RELCH: variants seen among roughly 807,000 people sequenced by gnomAD.
The protein encoded by RELCH is RAB11-binding protein RELCH.
Under a neutral mutation model 150.3 loss-of-function variants are expected in RELCH, and 41 were observed. The ratio of observed to expected loss-of-function variants is 0.27; its 90% CI spans 0.21 to 0.35. RELCH has a LOEUF of 0.35. Ranked by LOEUF, RELCH falls within the 10% of genes least tolerant of loss-of-function variation. The pLI is 1.00. For synonymous variants in RELCH, 478 were observed against 531.8 expected (o/e 0.90, Z 1.39); for missense variants, 1,092 against 1,467.8 (o/e 0.74, Z 4.18).
intron 1 of RELCH, among the ~76,000 whole-genome samples, chr18:62,206,682 TA>T (rs929109403): frequency 6.6e-6 from 1 of 152,086 alleles, no homozygotes; most frequent in Non-Finnish European, 1.5e-5. Context: ...ATTAGCTGGA[TA>T]AAAAAAAGTT....
chr18:62,272,720 A>G (rs2043971240), intron 20 of RELCH, among the ~76,000 whole-genome samples: 1 of 152,130 alleles, frequency 6.6e-6, no homozygotes, highest in African/African-American at 2.4e-5. Context: ...GAGTCCAAAA[A>G]TGATAAATAA....
Position 62,287,377 on chromosome 18 carries a change from G to A in RELCH, c.3280G>A (p.Ala1094Thr). The A allele has an allele frequency of 1.9e-6, 3 of 1,605,086 alleles. No individual in the cohort carries two copies. Among genetic ancestry groups the A allele is most frequent in the African/African-American group, 1.3e-5 (1 of 74,688 alleles). Residue 1094 changes from alanine (A) to threonine (T), a missense_variant, in exon 26 of 29, where the codon GCC becomes ACC. Around this residue, in one of 4 missense-constraint regions of RELCH, gnomAD observed 707 missense variants for 1,025.4 expected, o/e 0.69. Coordinates refer to ENST00000644646, the MANE Select transcript of RELCH (RefSeq NM_001346231.2). Reference protein sequence around the residue: ...EFVIPHLHKLALVNNLQIVDS... With the variant: ...EFVIPHLHKLTLVNNLQIVDS... The stretch of plus-strand genomic sequence containing the variant: ...TGTTATACCACATTTGCATAAGTTA[G>A]CCTTGGTGAACAACTTACAGATTGT...
chr18:62,216,053 A>G (rs1191725915), intron 2 of RELCH, among the ~76,000 whole-genome samples: 1 of 152,134 alleles, frequency 6.6e-6, no homozygotes, highest in Non-Finnish European at 1.5e-5. Flanking sequence ...GCCTTTCTCT[A>G]TGTTATTAAA....
chr18:62,251,636 A>G (rs928363564), intron 11 of RELCH, among the ~76,000 whole-genome samples: 2 of 152,228 alleles, frequency 1.3e-5, no homozygotes, highest in Non-Finnish European at 2.9e-5. Flanking sequence ...GAGTCATGTC[A>G]GAAACTACCT....
intron 11 of RELCH, among the ~76,000 whole-genome samples, chr18:62,247,633 T>C (rs2042487936): frequency 6.6e-6 from 1 of 151,886 alleles, no homozygotes; most frequent in South Asian, 2.1e-4. Context: ...AACCTCCACC[T>C]TCCCAGGCTC....
Position 62,252,895 on chromosome 18 carries a change from ATTAGTAC to A in RELCH, c.1824+145_1824+151del, listed in dbSNP as rs1383272635. 4.6e-6 allele frequency: 3 copies of A among 648,578 alleles called. No individual in the cohort carries two copies. The East Asian group carries it at 8.2e-5, about 18-fold the overall frequency. The allele number at this position is 648,578 out of a possible 1,614,324, so 40.2% of individuals were successfully genotyped here. ...TTTCTGTAGCCCAGCACAGTGATTT[ATTAGTAC>A]TTACGAATGCTCTGGGGTGCTTTCC... On this transcript the variant is annotated intron_variant, in intron 12 of 28. Coordinates refer to ENST00000644646, the MANE Select transcript of RELCH (RefSeq NM_001346231.2).
chr18:62,286,842 C>T (rs1006783879), intron 25 of RELCH, among the ~76,000 whole-genome samples: 4 of 152,074 alleles, frequency 2.6e-5, no homozygotes, highest in Non-Finnish European at 5.9e-5. Context: ...AAAACTCAGC[C>T]GCCAGTGCTG....
intron 2 of RELCH, among the ~76,000 whole-genome samples, chr18:62,214,895 C>T (rs1315650797): frequency 6.6e-6 from 1 of 152,092 alleles, no homozygotes; most frequent in African/African-American, 2.4e-5. Flanking sequence ...CTCTACCCCC[C>T]TAGAACTCTG....
chr18:62,255,218 ACCT>A (rs1361403217), intron 12 of RELCH, among the ~76,000 whole-genome samples, 186 bp from the exon 13 acceptor site: 1 of 152,032 alleles, frequency 6.6e-6, no homozygotes, highest in Non-Finnish European at 1.5e-5. Flanking sequence ...GACCCCTGTA[ACCT>A]CATATTTAGG....
At position 62,187,939 on chromosome 18, in the gene RELCH, C is replaced by T. The variant is rs190951248; in HGVS notation, c.434C>T (p.Pro145Leu). 10 of 1,597,980 alleles carry T rather than the reference C, an allele frequency of 6.3e-6. No individual in the cohort carries two copies. In the Admixed American group the frequency reaches 1.1e-4, roughly 17 times the overall value. Reference protein sequence around the residue: ...GNFERQSGTPPGMGAPGVPGA... With the variant: ...GNFERQSGTPLGMGAPGVPGA... ...TTCGAGAGGCAAAGTGGAACCCCGC[C>T]GGGGATGGGGGCGCCAGGGGTCCCT... is the stretch of plus-strand genomic sequence containing the variant. The change falls in exon 1 of 29, where the codon CCG becomes CTG. Residue 145 changes from proline (P) to leucine (L), a missense_variant. Physicochemically the swap from Pro to Leu is moderately conservative, Grantham distance 98 (BLOSUM62 -3). Transcript: ENST00000644646.
intron 5 of RELCH, among the ~76,000 whole-genome samples, chr18:62,222,484 C>T (rs1281576100): frequency 1.3e-5 from 2 of 151,084 alleles, no homozygotes; most frequent in Non-Finnish European, 3.0e-5. Flanking sequence ...AAAAAGAACA[C>T]AGAAAAAGAG....
chr18:62,273,540 A>G (rs114162463), intron 20 of RELCH, among the ~76,000 whole-genome samples: 4,490 of 152,194 alleles, frequency 0.03, 214 homozygotes, highest in African/African-American at 0.1. Context: ...TTAATAAAAG[A>G]TTATACTTTT....
intron 20 of RELCH, among the ~76,000 whole-genome samples, chr18:62,270,703 G>GT: frequency 1.3e-5 from 2 of 151,714 alleles, no homozygotes; most frequent in Non-Finnish European, 2.9e-5. Flanking sequence ...GTTCAAGTTC[G>GT]TTACATCGGT....
In RELCH at chr18:62,221,430, A is replaced by G; in HGVS notation, c.791A>G (p.Asn264Ser). The G allele has an allele frequency of 1.3e-6, 2 of 1,597,230 alleles. No individual in the cohort carries two copies. Among genetic ancestry groups the G allele is most frequent in the Non-Finnish European group, 1.7e-6 (2 of 1,170,148 alleles). Residue 264 changes from asparagine to serine, a missense_variant, in exon 5 of 29, where the codon AAT (asparagine) becomes AGT (serine). Asn to Ser is a conservative substitution (Grantham distance 46). This residue lies in a region of RELCH where 190 missense variants were observed against 276.2 expected (regional missense o/e 0.69). Coordinates refer to ENST00000644646, the MANE Select transcript of RELCH (RefSeq NM_001346231.2). ...LEKRALNFLV[N>S]EFLLKNNYKL... ...AAGAGAGCTCTAAACTTCTTAGTCAATGAATTTTTATTGAAGAATAACTAT... is the reference window on the plus strand; with the variant it reads ...AAGAGAGCTCTAAACTTCTTAGTCAGTGAATTTTTATTGAAGAATAACTAT...
At chr18:62,194,444 C>T (rs902614814) in intron 1 of RELCH, among the ~76,000 whole-genome samples, 1 of 151,964 alleles carries the variant, frequency 6.6e-6, no homozygotes, top group South Asian at 2.1e-4. Flanking sequence ...CGGCAGGAAC[C>T]GTATTTTAAT....
chr18:62,263,195 A>T (rs550499800), intron 16 of RELCH, among the ~76,000 whole-genome samples: 7 of 152,178 alleles, frequency 4.6e-5, no homozygotes, highest in Non-Finnish European at 5.9e-5. Context: ...TTAAACATAA[A>T]AATTTGGGCG....
chr18:62,273,047 A>AT (rs1461848158), intron 20 of RELCH, among the ~76,000 whole-genome samples: 1 of 151,856 alleles, frequency 6.6e-6, no homozygotes, highest in African/African-American at 2.4e-5. Context: ...AAAAAAAAAA[A>AT]AGGATAGGTG....
intron 5 of RELCH, among the ~76,000 whole-genome samples, chr18:62,223,103 A>AAGTC (rs902686381): frequency 1.3e-5 from 2 of 152,002 alleles, no homozygotes; most frequent in African/African-American, 2.4e-5. Flanking sequence ...AACCCAAAGT[A>AAGTC]AGTAGAAGAA....
At chr18:62,259,764 T>C (rs189038406) in intron 15 of RELCH, among the ~76,000 whole-genome samples, 4 of 151,962 alleles carry the variant, frequency 2.6e-5, no homozygotes, top group Admixed American at 6.6e-5. Context: ...ACCAAACATC[T>C]TGGTATTGGC....
Sources: gnomAD v4.1 joint callset for allele counts (sites outside exome capture counted in the v4.1 genomes callset) on GRCh38, gnomAD v4.1.1 for gene constraint, gnomAD v4.1.1 regional missense constraint, MANE v1.5 for transcripts, NCBI Gene and HGNC (gene_info 2026-07-23, HGNC 2026-07-21) for gene names.